The following KLHL1 variants were observed in gnomAD, a reference collection of about 807,000 sequenced individuals.
KLHL1 encodes the protein kelch-like protein 1.
In KLHL1, 47 loss-of-function variants were observed where a neutral mutation model predicts 77.7. The ratio of observed to expected loss-of-function variants is 0.60; its 90% CI spans 0.48 to 0.77. The LOEUF is 0.77. Among genes scored for constraint, KLHL1 ranks in the 30% least tolerant of loss-of-function variants. KLHL1 has a pLI of 0.00. For synonymous variants in KLHL1, 360 were observed against 325.2 expected, an observed-to-expected ratio of 1.11 and a Z score of -1.15; for missense variants, 925 against 910.8, an observed-to-expected ratio of 1.02 and a Z score of -0.20.
At chr13:69,923,795 C>A (rs770871189) in intron 4 of KLHL1, among the ~76,000 whole-genome samples, 1 of 152,242 alleles carries the variant, frequency 6.6e-6, no homozygotes, top group African/African-American at 2.4e-5. Context: ...GAGGCAGAAG[C>A]CCTGCTGCCT....
chr13:69,815,515 G>T (rs1358781847), intron 6 of KLHL1, among the ~76,000 whole-genome samples: 10 of 152,158 alleles, frequency 6.6e-5, no homozygotes. Flanking sequence ...GGTACAAAAG[G>T]ATAGAAAAAT....
chr13:69,728,876 A>G (rs1270910028), intron 8 of KLHL1, among the ~76,000 whole-genome samples: 1 of 152,060 alleles, frequency 6.6e-6, no homozygotes, highest in Admixed American at 6.6e-5. Context: ...ATAGTAAATC[A>G]TGAAAGAAAC....
intron 5 of KLHL1, among the ~76,000 whole-genome samples, chr13:69,860,865 A>C (rs1278176687): frequency 6.6e-6 from 1 of 151,888 alleles, no homozygotes; most frequent in Non-Finnish European, 1.5e-5. Flanking sequence ...AAAAAAAAAC[A>C]TACTAATAGA....
At chr13:70,023,047 A>T (rs138899217) in intron 1 of KLHL1, among the ~76,000 whole-genome samples, 1 of 152,066 alleles carries the variant, frequency 6.6e-6, no homozygotes, top group East Asian at 1.9e-4. Flanking sequence ...ATGTTCTTCC[A>T]TGTTTTTCAG....
At chr13:69,774,739 A>C (rs1593816525) in intron 7 of KLHL1, among the ~76,000 whole-genome samples, 1 of 152,140 alleles carries the variant, frequency 6.6e-6, no homozygotes, top group Non-Finnish European at 1.5e-5. Flanking sequence ...ATAATGCAAT[A>C]ATATTTTCTT....
Position 69,838,987 on chromosome 13 carries a change from T to C in KLHL1, c.1403A>G (p.Asp468Gly), listed in dbSNP as rs1879136327. Residue 468 changes from aspartate to glycine, a missense_variant, in exon 6 of 11, where the codon GAT becomes GGT. Physicochemically the swap from Asp to Gly is moderately conservative, Grantham distance 94. Transcript: ENST00000377844. Reference sequence around the variant, plus strand: ...CCAGAATTAAATACCTTTGTTGTTATCCATTCCTCCTACAGCATACAAAGT... The same window carrying C: ...CCAGAATTAAATACCTTTGTTGTTACCCATTCCTCCTACAGCATACAAAGT... ...VGTLYAVGGMDNNKGATTIEK... is the reference protein window; with the variant it reads ...VGTLYAVGGMGNNKGATTIEK... 6.2e-7 allele frequency: 1 copy of C among 1,604,254 alleles called. No homozygotes were observed. The highest frequency in any genetic ancestry group is 1.3e-5 in the African/African-American group (1 of 74,512).
intron 4 of KLHL1, among the ~76,000 whole-genome samples, chr13:69,932,419 G>T (rs2138283771): frequency 6.6e-6 from 1 of 151,790 alleles, no homozygotes. Flanking sequence ...CATATCATAA[G>T]AAGTCCTTTT....
chr13:69,739,163 G>A (rs1873882386), intron 8 of KLHL1, among the ~76,000 whole-genome samples: 1 of 152,154 alleles, frequency 6.6e-6, no homozygotes, highest in Non-Finnish European at 1.5e-5. Context: ...AGCTTCATAA[G>A]TGAAGGAGAA....
At chr13:70,081,722 A>C (rs1887396951) in intron 1 of KLHL1, among the ~76,000 whole-genome samples, 1 of 152,232 alleles carries the variant, frequency 6.6e-6, no homozygotes, top group African/African-American at 2.4e-5. Flanking sequence ...GGCAGTGTCC[A>C]ACAAATACCT....
intron 2 of KLHL1, among the ~76,000 whole-genome samples, chr13:69,970,006 AT>A (rs142876799): frequency 0.02 from 2,981 of 152,088 alleles, 40 homozygotes; most frequent in Middle Eastern, 0.041. Context: ...TTTTAAATCT[AT>A]TTTTTAGCGA....
intron 6 of KLHL1, among the ~76,000 whole-genome samples, chr13:69,805,396 G>T (rs542288194): frequency 2.6e-5 from 4 of 151,742 alleles, no homozygotes; most frequent in Admixed American, 2.6e-4. Context: ...CTACTTCTTG[G>T]CTCATAACCA....
chr13:69,742,941 T>C (rs1310941959), intron 7 of KLHL1, among the ~76,000 whole-genome samples: 2 of 152,148 alleles, frequency 1.3e-5, no homozygotes, highest in Admixed American at 6.6e-5. Flanking sequence ...TAGAGAAGTA[T>C]AGGTAGATAT....
At chr13:69,888,919 G>A (rs373096566) in intron 4 of KLHL1, among the ~76,000 whole-genome samples, 10 of 151,844 alleles carry the variant, frequency 6.6e-5, no homozygotes, top group African/African-American at 2.4e-4. Context: ...TTCTTTTATA[G>A]AGTAATTCCC....
chr13:69,868,375 T>A (rs1180476828), intron 5 of KLHL1, among the ~76,000 whole-genome samples: 4 of 152,018 alleles, frequency 2.6e-5, no homozygotes, highest in African/African-American at 9.7e-5. Flanking sequence ...ATAAATTATA[T>A]TTAAAGACAA....
chr13:70,002,083 G>A (rs769398194), intron 1 of KLHL1, among the ~76,000 whole-genome samples: 3 of 151,486 alleles, frequency 2.0e-5, no homozygotes, highest in Non-Finnish European at 4.4e-5. Flanking sequence ...GGTTCTGCTT[G>A]ATAGAACAAA....
At chr13:69,834,431 G>A (rs922468746) in intron 6 of KLHL1, among the ~76,000 whole-genome samples, 2 of 151,508 alleles carry the variant, frequency 1.3e-5, no homozygotes, top group Non-Finnish European at 2.9e-5. Context: ...GAGTTGTGTC[G>A]GTAACAGCAG....
chr13:70,008,648 T>C (rs1566494144), intron 1 of KLHL1, among the ~76,000 whole-genome samples: 1 of 152,114 alleles, frequency 6.6e-6, no homozygotes, highest in South Asian at 2.1e-4. Context: ...CCACAATTAT[T>C]CTCCTCACAT....
At chr13:70,022,323 T>C (rs1885824948) in intron 1 of KLHL1, among the ~76,000 whole-genome samples, 1 of 150,682 alleles carries the variant, frequency 6.6e-6, no homozygotes, top group African/African-American at 2.5e-5. Context: ...GGTTGTAGGA[T>C]CTCTATTCTA....
intron 5 of KLHL1, among the ~76,000 whole-genome samples, chr13:69,879,040 G>C (rs1339195295): frequency 6.6e-6 from 1 of 152,050 alleles, no homozygotes; most frequent in African/African-American, 2.4e-5. Context: ...TCATAGGTGG[G>C]AATTGAACAA....
Sources: allele counts gnomAD v4.1 joint callset (sites outside exome capture counted in the v4.1 genomes callset), GRCh38; gene constraint gnomAD v4.1.1; transcripts MANE v1.5; gene names NCBI Gene and HGNC (gene_info 2026-07-23, HGNC 2026-07-21).